Variants in LCP1 observed in about 807,000 individuals in gnomAD.
LCP1 encodes the protein lymphocyte cytosolic protein 1, also known as plastin-2.
In LCP1, 23 loss-of-function variants were observed where a neutral mutation model predicts 72.0. The ratio of observed to expected loss-of-function variants is 0.32; its 90% CI spans 0.23 to 0.45. LCP1 has a LOEUF of 0.45. LCP1 is among the 20% of genes least tolerant of loss of function. LCP1 has a pLI of 1.00. For synonymous variants in LCP1, 245 were observed against 275.4 expected (o/e 0.89, Z 1.09); for missense variants, 571 against 748.3 (o/e 0.76, Z 2.76).
intron 1 of LCP1, among the ~76,000 whole-genome samples, chr13:46,176,436 T>A (rs2045930898): frequency 6.6e-6 from 1 of 152,232 alleles, no homozygotes; most frequent in African/African-American, 2.4e-5. Context: ...AAAAGGTTTT[T>A]ATGGAAAAAA....
rs2045819926 is a variant in LCP1, at chr13:46,158,823, C to A, written c.228+3G>T. On this transcript the variant is annotated splice_donor_region_variant and intron_variant, in intron 3 of 15. Coordinates refer to ENST00000323076, the MANE Select transcript of LCP1 (RefSeq NM_002298.5). ...GTCTCCTTGTATTCTGCATGGTACTCACCTTGATAAACTCATCAAAGCTGA... is the reference window on the plus strand; with the variant it reads ...GTCTCCTTGTATTCTGCATGGTACTAACCTTGATAAACTCATCAAAGCTGA... The A allele has an allele frequency of 6.2e-7, 1 of 1,613,898 alleles. No individual in the cohort carries two copies. Among genetic ancestry groups the A allele is most frequent in the African/African-American group, 1.3e-5 (1 of 74,918 alleles).
chr13:46,148,301 A>G, intron 9 of LCP1, 51 bp downstream of exon 9: 1 of 1,323,690 alleles, frequency 7.6e-7, no homozygotes, highest in Non-Finnish European at 1.1e-6. Context: ...TGGAACTGCC[A>G]ACATGAAAAT....
chr13:46,167,655 C>A (rs1274499297), intron 1 of LCP1, among the ~76,000 whole-genome samples: 1 of 152,298 alleles, frequency 6.6e-6, no homozygotes, highest in Non-Finnish European at 1.5e-5. Context: ...GCTCAGAGTA[C>A]CCCAAATGCA....
chr13:46,174,383 T>A (rs1177280861), intron 1 of LCP1, among the ~76,000 whole-genome samples: 1 of 152,224 alleles, frequency 6.6e-6, no homozygotes, highest in Non-Finnish European at 1.5e-5. Flanking sequence ...ACATTTCTTT[T>A]ATCAAAATTT....
Position 46,148,437 on chromosome 13 carries a change from GC to G in LCP1, c.892del (p.Ala298LeufsTer65). On this transcript the variant is annotated frameshift_variant, in exon 9 of 16. Transcript: ENST00000323076. LOFTEE classifies it high-confidence loss of function. ...NFSTDIKDSK[A>X]YYHLLEQVAP... is the part of the protein sequence containing the mutation. The stretch of plus-strand genomic sequence containing the variant: ...CACCTGCTCAAGCAGGTGGTAATAA[GC>G]TTTTGAGTCCTGTGAGAAATTAAGA... 1 of 1,606,772 alleles carries G rather than the reference GC, an allele frequency of 6.2e-7. No homozygotes were observed. The highest frequency in any genetic ancestry group is 8.5e-7 in the Non-Finnish European group (1 of 1,176,016).
intron 1 of LCP1, among the ~76,000 whole-genome samples, chr13:46,166,128 A>G (rs1390413733): frequency 6.6e-6 from 1 of 152,166 alleles, no homozygotes; most frequent in African/African-American, 2.4e-5. Context: ...TAAGTTCTCT[A>G]AAGTCTGAAT....
chr13:46,142,665 T>C, intron 12 of LCP1: 1 of 574,754 alleles, frequency 1.7e-6, no homozygotes, highest in Non-Finnish European at 3.2e-6. Flanking sequence ...AATTCATTAC[T>C]ATGAATATGT....
chr13:46,156,836 T>G (rs1294457167), intron 4 of LCP1, among the ~76,000 whole-genome samples: 2 of 151,392 alleles, frequency 1.3e-5, no homozygotes, highest in Non-Finnish European at 2.9e-5. Context: ...TTTTTTTTTT[T>G]TTTGAGATGG....
chr13:46,141,702 C>G (rs559770899), intron 13 of LCP1, among the ~76,000 whole-genome samples: 1 of 152,132 alleles, frequency 6.6e-6, no homozygotes, highest in South Asian at 2.1e-4. Flanking sequence ...CACTCATCAC[C>G]AGCAAACTTG....
chr13:46,151,145 C>T, intron 7 of LCP1, 67 bp from the exon 8 acceptor site: 1 of 1,515,812 alleles, frequency 6.6e-7, no homozygotes, highest in Non-Finnish European at 8.9e-7. Context: ...TTGGTTATAA[C>T]TTTCATTAAG....
At chr13:46,178,709 A>G (rs1201578751) in intron 1 of LCP1, among the ~76,000 whole-genome samples, 1 of 152,196 alleles carries the variant, frequency 6.6e-6, no homozygotes, top group African/African-American at 2.4e-5. Context: ...ATTTCATTTG[A>G]TATCTGTAAG....
intron 1 of LCP1, among the ~76,000 whole-genome samples, chr13:46,167,184 C>T (rs954161163): frequency 6.6e-6 from 1 of 152,194 alleles, no homozygotes; most frequent in Non-Finnish European, 1.5e-5. Context: ...AACGGCTCTC[C>T]TCTGACACTA....
chr13:46,130,186 G>A (rs1426244045), intron 15 of LCP1, among the ~76,000 whole-genome samples: 1 of 152,244 alleles, frequency 6.6e-6, no homozygotes, highest in African/African-American at 2.4e-5. Context: ...GTCTGGAGCA[G>A]ATGTTCATTA....
At chr13:46,134,522 G>GA (rs999759520) in intron 13 of LCP1, among the ~76,000 whole-genome samples, 45 of 151,964 alleles carry the variant, frequency 3.0e-4, no homozygotes, top group African/African-American at 9.9e-4. Flanking sequence ...AAGCCAAAGG[G>GA]AAAAAATGCA....
intron 13 of LCP1, among the ~76,000 whole-genome samples, chr13:46,135,772 G>A (rs1325272944): frequency 6.8e-6 from 1 of 147,662 alleles, no homozygotes; most frequent in African/African-American, 2.5e-5. Flanking sequence ...TTAAGAGATG[G>A]GGTCTCACTA....
rs999571975 is a variant in LCP1, at chr13:46,128,337, G to A, written c.1752-614C>T. ...ACCTTGGCCAGGCGCGGTGGCTCAC[G>A]CCTGTAATCCCAACACTTCGGGTGG... is the stretch of plus-strand genomic sequence containing the variant. On this transcript the variant is annotated intron_variant, in intron 15 of 15. Transcript: ENST00000323076. Among the ~76,000 whole-genome samples the A allele has an allele frequency of 4.6e-5, 7 of 152,176 alleles. No individual in the cohort carries two copies. In the East Asian group the frequency reaches 7.7e-4, roughly 17 times the overall value.
At chr13:46,169,876 C>A (rs936380015) in intron 1 of LCP1, 5 of 152,158 alleles carry the variant, frequency 3.3e-5, no homozygotes, top group African/African-American at 1.2e-4. Context: ...ATTCATAGAT[C>A]AATAATAAAA....
chr13:46,177,815 C>A (rs1009622329), intron 1 of LCP1, among the ~76,000 whole-genome samples: 5 of 152,134 alleles, frequency 3.3e-5, no homozygotes, highest in Admixed American at 6.5e-5. Flanking sequence ...AACTTCTACT[C>A]AGTCAAGTGT....
In LCP1 at chr13:46,127,023, CCCAGAGACAAGGACGG is replaced by C. The variant is rs2138208529; in HGVS notation, c.*552_*567del. ...CTGATTTATCACACACTCCAAGTGG[CCCAGAGACAAGGACGG>C]CCAGAAGAGATGGGCCCCCCCGGAA... On this transcript the variant is annotated 3_prime_UTR_variant, in exon 16 of 16. Transcript: ENST00000323076. 1 of 231,364 alleles carries C rather than the reference CCCAGAGACAAGGACGG, an allele frequency of 4.3e-6. No homozygotes were observed. Among genetic ancestry groups the C allele is most frequent in the African/African-American group, 2.2e-5 (1 of 45,296 alleles). 14.3% of individuals were successfully genotyped at this position (231,364 alleles called of 1,614,324 possible). A position where few individuals can be genotyped will look rare whatever the true frequency, so the allele number is the denominator to read the frequency against.
Sources: allele counts gnomAD v4.1 joint callset (sites outside exome capture counted in the v4.1 genomes callset), GRCh38; gene constraint gnomAD v4.1.1; transcripts MANE v1.5; gene names NCBI Gene and HGNC (gene_info 2026-07-23, HGNC 2026-07-21).